Variants in SESN1 observed in about 807,000 individuals in gnomAD.
SESN1 encodes sestrin-1.
A neutral mutation model predicts 59.3 loss-of-function variants in SESN1; 30 were observed. That is an observed-to-expected ratio of 0.51 (90% CI 0.38 to 0.69). SESN1 has a LOEUF of 0.69. Among genes scored for constraint, SESN1 ranks in the 30% least tolerant of loss-of-function variants. The probability of loss-of-function intolerance (pLI) is 0.00; values close to 1 mark genes in which losing one functional copy is unlikely to be tolerated. For synonymous variants in SESN1, 197 were observed against 219.9 expected (o/e 0.90, Z 0.92); for missense variants, 566 against 673.0 (o/e 0.84, Z 1.76).
chr6:109,044,022 A>T (rs1175006702), intron 1 of SESN1, among the ~76,000 whole-genome samples: 2 of 152,152 alleles, frequency 1.3e-5, no homozygotes, highest in Non-Finnish European at 2.9e-5. Flanking sequence ...ACTTATTGTT[A>T]ACAAAGAAGT....
intron 1 of SESN1, among the ~76,000 whole-genome samples, chr6:109,069,287 A>G (rs1320879359): frequency 6.6e-6 from 1 of 152,076 alleles, no homozygotes; most frequent in Non-Finnish European, 1.5e-5. Flanking sequence ...AAGAAAAACA[A>G]GCCTCCTAGA....
chr6:109,059,176 T>A (rs1780689802), intron 1 of SESN1, among the ~76,000 whole-genome samples: 1 of 152,142 alleles, frequency 6.6e-6, no homozygotes, highest in African/African-American at 2.4e-5. Flanking sequence ...TCTTAAAATT[T>A]AATTTTAAGA....
intron 5 of SESN1, 66 bp from the exon 6 acceptor site, chr6:108,994,675 G>A: frequency 1.7e-6 from 1 of 582,410 alleles, no homozygotes; most frequent in East Asian, 5.1e-5. Flanking sequence ...TATCTTTTAA[G>A]TCTGTCTCAT....
intron 1 of SESN1, among the ~76,000 whole-genome samples, chr6:109,014,766 C>G (rs11752532): frequency 0.1 from 15,204 of 152,116 alleles, 926 homozygotes; most frequent in Middle Eastern, 0.19. Flanking sequence ...CCACCCAAAG[C>G]CTGTTCACTA....
In SESN1 at chr6:108,987,481, C is replaced by T; in HGVS notation, c.*63G>A. 2 of 885,702 alleles carry T rather than the reference C, an allele frequency of 2.3e-6. No individual in the cohort carries two copies. The highest frequency in any genetic ancestry group is 3.7e-6 in the Non-Finnish European group (2 of 543,230). 54.9% of individuals were successfully genotyped at this position (885,702 alleles called of 1,614,324 possible). A position where few individuals can be genotyped will look rare whatever the true frequency, so the allele number is the denominator to read the frequency against. On this transcript the variant is annotated 3_prime_UTR_variant, in exon 10 of 10. Transcript: ENST00000436639. ...CTACCATTGGTCCTGGGGCTTAGTA[C>T]CTTCCCCCTTGTAGACTATATCTGC...
chr6:109,000,601 G>C lies in SESN1; in HGVS notation c.619C>G (p.Pro207Ala). The change falls in exon 4 of 10, where the codon CCC (proline) becomes GCC (alanine). Residue 207 changes from proline to alanine, a missense_variant. By Grantham distance (27) the Pro-to-Ala change is conservative. Transcript: ENST00000436639. Reference protein sequence around the residue: ...VNDFLHVGGDPKWLNGLENAP... With the variant: ...VNDFLHVGGDAKWLNGLENAP... The stretch of plus-strand genomic sequence containing the variant: ...TTCTCTAAACCATTGAGCCACTTGG[G>C]GTCCCCACCAACATGAAGGAAATCA... 6.2e-7 allele frequency: 1 copy of C among 1,611,694 alleles called. No individual in the cohort carries two copies. The highest frequency in any genetic ancestry group is 8.5e-7 in the Non-Finnish European group (1 of 1,178,712).
chr6:109,029,400 T>G (rs1478860302), intron 1 of SESN1, among the ~76,000 whole-genome samples: 1 of 152,230 alleles, frequency 6.6e-6, no homozygotes, highest in Non-Finnish European at 1.5e-5. Flanking sequence ...GCAGGAATGA[T>G]TTTGCTTTAT....
chr6:109,061,530 G>T (rs1465055016), intron 1 of SESN1, among the ~76,000 whole-genome samples: 1 of 152,192 alleles, frequency 6.6e-6, no homozygotes, highest in Non-Finnish European at 1.5e-5. Flanking sequence ...CCTGCTGGGT[G>T]AGGTGGCTCA....
chr6:109,005,854 T>G (rs189516492), intron 1 of SESN1, among the ~76,000 whole-genome samples: 2 of 152,352 alleles, frequency 1.3e-5, no homozygotes, highest in East Asian at 1.9e-4. Context: ...GTGAGTCTTT[T>G]GTTATAGATT....
At chr6:109,032,133 G>T (rs369379802) in intron 1 of SESN1, among the ~76,000 whole-genome samples, 1 of 152,178 alleles carries the variant, frequency 6.6e-6, no homozygotes, top group African/African-American at 2.4e-5. Flanking sequence ...TTAGCCAGGC[G>T]TGGTGGTTCA....
intron 1 of SESN1, chr6:109,009,284 G>C: frequency 7.6e-7 from 1 of 1,324,022 alleles, no homozygotes; most frequent in African/African-American, 1.5e-5. Flanking sequence ...TGACCTCCGT[G>C]TTGCACAGGG....
intron 1 of SESN1, among the ~76,000 whole-genome samples, chr6:109,091,393 C>T (rs113806536): frequency 2.0e-5 from 3 of 152,078 alleles, no homozygotes; most frequent in African/African-American, 4.8e-5. Flanking sequence ...AGTGTATCAC[C>T]ATCATTAAGT....
Position 109,001,392 on chromosome 6 carries a change from C to G in SESN1, c.442G>C (p.Val148Leu). Residue 148 changes from valine to leucine, a missense_variant, in exon 3 of 10, where the codon GTT becomes CTT. Transcript: ENST00000436639. ...GRLDNITLVMVFHPQYLESFL... is the reference protein window; with the variant it reads ...GRLDNITLVMLFHPQYLESFL... ...CTTTCTAAATATTGTGGGTGGAAAA[C>G]CATCACTAACGTAATGTTATCCAAA... The G allele has an allele frequency of 6.2e-7, 1 of 1,613,732 alleles. No homozygotes were observed. Among genetic ancestry groups the G allele is most frequent in the Non-Finnish European group, 8.5e-7 (1 of 1,179,790 alleles).
At chr6:109,075,802 G>T (rs567784852) in intron 1 of SESN1, among the ~76,000 whole-genome samples, 17 of 152,092 alleles carry the variant, frequency 1.1e-4, no homozygotes, top group Non-Finnish European at 2.1e-4. Context: ...TACCAAATTT[G>T]TAATGAGGCT....
rs955840846 is a variant in SESN1, at chr6:109,007,747, T to C, written c.280-5404A>G. On this transcript the variant is annotated intron_variant, in intron 1 of 9. Transcript: ENST00000436639. ...ACAATTATGTTAATATTGTCATTAA[T>C]ACTAATAGGTAATTCAGAAATACTG... Among the ~76,000 whole-genome samples the C allele has an allele frequency of 2.7e-4, 41 of 150,020 alleles. 1 individual carries two copies. The highest frequency in any genetic ancestry group is 2.6e-3 in the Admixed American group (39 of 14,990).
At chr6:108,998,364 A>G in intron 5 of SESN1, 149 bp downstream of exon 5, 1 of 841,138 alleles carries the variant, frequency 1.2e-6, no homozygotes, top group Non-Finnish European at 1.8e-6. Flanking sequence ...GAGGCAGTCA[A>G]TAAAACCCTA....
At chr6:109,040,589 G>A (rs970776461) in intron 1 of SESN1, among the ~76,000 whole-genome samples, 1 of 151,598 alleles carries the variant, frequency 6.6e-6, no homozygotes, top group Non-Finnish European at 1.5e-5. Flanking sequence ...TCTTGGTGTC[G>A]CTTCCCTGAA....
intron 1 of SESN1, among the ~76,000 whole-genome samples, chr6:109,077,695 A>C (rs898542893): frequency 7.2e-5 from 11 of 152,178 alleles, no homozygotes; most frequent in African/African-American, 2.4e-4. Flanking sequence ...TCTCAATGAG[A>C]ATGCCTAGGA....
chr6:109,052,284 A>G (rs1219655274), intron 1 of SESN1, among the ~76,000 whole-genome samples: 1 of 152,142 alleles, frequency 6.6e-6, no homozygotes, highest in African/African-American at 2.4e-5. Context: ...AATTCCAGAA[A>G]TATTTGAGAA....
Sources: gnomAD v4.1 joint callset for allele counts (sites outside exome capture counted in the v4.1 genomes callset) on GRCh38, gnomAD v4.1.1 for gene constraint, MANE v1.5 for transcripts, NCBI Gene and HGNC (gene_info 2026-07-23, HGNC 2026-07-21) for gene names.